The following CNPY3 variants were observed in gnomAD, a reference collection of about 807,000 sequenced individuals.
The protein encoded by CNPY3 is protein canopy homolog 3.
In CNPY3, 20 loss-of-function variants were observed where a neutral mutation model predicts 32.0. That is an observed-to-expected ratio of 0.63 (90% CI 0.44 to 0.91). The LOEUF (loss-of-function observed/expected upper bound fraction) is 0.91, where lower values mean the gene tolerates loss of function less well. Among genes scored for constraint, CNPY3 ranks in the 40% least tolerant of loss-of-function variants. CNPY3 has a pLI of 0.00. For missense variants in CNPY3, 299 were observed against 340.8 expected (o/e 0.88, Z 0.97); for synonymous variants, 138 against 142.9 (o/e 0.97, Z 0.24).
chr6:42,934,428 A>G (rs1768064471), intron 1 of CNPY3, 47 bp from the exon 2 acceptor site: 6 of 1,610,852 alleles, frequency 3.7e-6, no homozygotes, highest in South Asian at 3.3e-5. Flanking sequence ...CTGGCCTCCC[A>G]TTAGACTCAT....
upstream of CNPY3, among the ~76,000 whole-genome samples, chr6:42,928,788 A>G (rs1291772796): frequency 5.9e-5 from 9 of 152,232 alleles, no homozygotes. Context: ...AACTTTTTAC[A>G]ATCTGCTCGA....
At chr6:42,935,992 G>C (rs1768195958) in intron 3 of CNPY3, among the ~76,000 whole-genome samples, 1 of 148,570 alleles carries the variant, frequency 6.7e-6, no homozygotes, top group Non-Finnish European at 1.5e-5. Context: ...GTGCAGAAAG[G>C]TGGGGGTTTA....
In CNPY3 at chr6:42,929,708, C is replaced by T. The variant is rs537371204; in HGVS notation, c.138C>T (p.Pro46=). Residue 46 remains proline (P), a synonymous_variant, in exon 1 of 6, where the codon CCC becomes CCT. Transcript: ENST00000372836. ...AGGAGAACGACTGGGTTCGCCTGCC[C>T]AGCAAATGCGAAGGTGAGGAGGCGG... ...GAEENDWVRL[P]SKCEVCKYVA... 55 of 1,547,324 alleles carry T rather than the reference C, an allele frequency of 3.6e-5. No homozygotes were observed. The South Asian group carries it at 5.6e-4, about 16-fold the overall frequency.
chr6:42,929,469 G>C (rs1767587130), upstream of CNPY3: 1 of 1,255,226 alleles, frequency 8.0e-7, no homozygotes, highest in Non-Finnish European at 1.1e-6. Flanking sequence ...TGGTTGCTCG[G>C]AGGCACGTGT....
chr6:42,932,984 C>T (rs3805950), intron 1 of CNPY3, among the ~76,000 whole-genome samples: 9,993 of 152,224 alleles, frequency 0.066, 484 homozygotes, highest in African/African-American at 0.14. Context: ...CAGCATATAT[C>T]AAGTCCCAGG....
chr6:42,931,001 T>C (rs1393551901), intron 1 of CNPY3, among the ~76,000 whole-genome samples: 1 of 150,714 alleles, frequency 6.6e-6, no homozygotes, highest in Admixed American at 6.6e-5. Context: ...ACGATTTTCC[T>C]GTCTCAGCCT....
At chr6:42,931,892 T>A in intron 1 of CNPY3, among the ~76,000 whole-genome samples, 1 of 151,178 alleles carries the variant, frequency 6.6e-6, no homozygotes, top group Non-Finnish European at 1.5e-5. Context: ...CCCGGGTAAT[T>A]TTTGTATTTT....
chr6:42,931,732 A>ATT (rs1006891749), intron 1 of CNPY3, among the ~76,000 whole-genome samples: 1 of 146,128 alleles, frequency 6.8e-6, no homozygotes, highest in Non-Finnish European at 1.5e-5. Context: ...TATTATTATT[A>ATT]TTTTTTTTTG....
intron 1 of CNPY3, among the ~76,000 whole-genome samples, chr6:42,934,152 C>CAA (rs879925824): frequency 7.6e-6 from 1 of 131,016 alleles, no homozygotes; most frequent in Non-Finnish European, 1.7e-5. Flanking sequence ...AACTCCATCT[C>CAA]AAAAAAAAAA....
intron 3 of CNPY3, 36 bp from the exon 4 acceptor site, chr6:42,937,681 G>A (rs1400682251): frequency 6.2e-6 from 10 of 1,611,418 alleles, no homozygotes; most frequent in Non-Finnish European, 6.8e-6. Flanking sequence ...GGGAGAGAAG[G>A]GAGCTCCGCC....
At position 42,938,611 on chromosome 6, in the gene CNPY3, T is replaced by A. The variant is rs1310009738; in HGVS notation, c.657T>A (p.Ala219=). 1 of 1,606,594 alleles carries A rather than the reference T, an allele frequency of 6.2e-7. No individual in the cohort carries two copies. The highest frequency in any genetic ancestry group is 1.7e-5 in the Admixed American group (1 of 58,556). Residue 219 remains alanine (A), a synonymous_variant, in exon 6 of 6, where the codon GCT becomes GCA. Coordinates refer to ENST00000372836, the MANE Select transcript of CNPY3 (RefSeq NM_006586.5). ...EQWSGKKGDT[A]ALGGKKSKKK... ...GGTCCGGCAAGAAGGGAGACACAGC[T>A]GCCCTGGGAGGGAAGAAGTCCAAGA...
upstream of CNPY3, chr6:42,929,465 C>A (rs772299915): frequency 4.9e-6 from 6 of 1,233,944 alleles, no homozygotes; most frequent in Admixed American, 2.9e-5. Flanking sequence ...GTCGTGGTTG[C>A]TCGGAGGCAC....
At chr6:42,938,429 A>T in intron 5 of CNPY3, 139 bp from the exon 6 acceptor site, 1 of 889,252 alleles carries the variant, frequency 1.1e-6, no homozygotes, top group Non-Finnish European at 1.7e-6. Context: ...TGGTGGCCAC[A>T]GCGAGAGGCA....
chr6:42,937,707 C>T lies in CNPY3; in HGVS notation c.373-10C>T, dbSNP rs773681115. ...GAGCTCCGCCTGCCATATCTGGTCGCTTCTTCCAGGGCATGTCAGAGACCT... is the reference window on the plus strand; with the variant it reads ...GAGCTCCGCCTGCCATATCTGGTCGTTTCTTCCAGGGCATGTCAGAGACCT... On this transcript the variant is annotated splice_polypyrimidine_tract_variant and intron_variant, in intron 3 of 5. Coordinates refer to ENST00000372836, the MANE Select transcript of CNPY3 (RefSeq NM_006586.5). 1.2e-6 allele frequency: 2 copies of T among 1,613,920 alleles called. No individual in the cohort carries two copies. The highest frequency in any genetic ancestry group is 1.7e-6 in the Non-Finnish European group (2 of 1,179,930).
At chr6:42,933,149 G>A (rs1201280126) in intron 1 of CNPY3, among the ~76,000 whole-genome samples, 1 of 152,206 alleles carries the variant, frequency 6.6e-6, no homozygotes, top group Non-Finnish European at 1.5e-5. Context: ...CATTAGTGCA[G>A]AATGGCTTCC....
At position 42,937,784 on chromosome 6, in the gene CNPY3, TC is replaced by T; in HGVS notation, c.444del (p.Tyr149MetfsTer28). 6.2e-7 allele frequency: 1 copy of T among 1,613,898 alleles called. No homozygotes were observed. The highest frequency in any genetic ancestry group is 8.5e-7 in the Non-Finnish European group (1 of 1,179,908). ...AAAGGGGTCAAGGTGGTGATGGACA[TC>T]CCCTATGAGCTGTGGAACGAGACTT... ...VHKGVKVVMD[I>X]PYELWNETSA... On this transcript the variant is annotated frameshift_variant, in exon 4 of 6. Coordinates refer to ENST00000372836, the MANE Select transcript of CNPY3 (RefSeq NM_006586.5). LOFTEE classifies it high-confidence loss of function.
Position 42,929,528 on chromosome 6 carries a change from G to A in CNPY3, c.-43G>A. 2 of 1,515,606 alleles carry A rather than the reference G, an allele frequency of 1.3e-6. No homozygotes were observed. Among genetic ancestry groups the A allele is most frequent in the Admixed American group, 2.2e-5 (1 of 45,476 alleles). The allele number at this position is 1,515,606 out of a possible 1,614,324, so 93.9% of individuals were successfully genotyped here. On this transcript the variant is annotated 5_prime_UTR_variant, in exon 1 of 6. Coordinates refer to ENST00000372836, the MANE Select transcript of CNPY3 (RefSeq NM_006586.5). Reference sequence around the variant, plus strand: ...AAACTGCTCCGCGCGCGCCGCGGGAGGAGGAACCGCCCGGTCCTTTAGGGT... The same window carrying A: ...AAACTGCTCCGCGCGCGCCGCGGGAAGAGGAACCGCCCGGTCCTTTAGGGT...
intron 1 of CNPY3, 46 bp from the exon 2 acceptor site, chr6:42,934,429 T>G (rs1006143148): frequency 6.2e-6 from 10 of 1,610,380 alleles, no homozygotes; most frequent in African/African-American, 1.3e-5. Context: ...TGGCCTCCCA[T>G]TAGACTCATG....
At chr6:42,938,256 T>C in intron 5 of CNPY3, 49 bp downstream of exon 5, 2 of 1,430,622 alleles carry the variant, frequency 1.4e-6, no homozygotes, top group Non-Finnish European at 2.0e-6. Context: ...ATTTGTTTGC[T>C]CTCCCTTGGG....
Sources: allele counts gnomAD v4.1 joint callset (sites outside exome capture counted in the v4.1 genomes callset), GRCh38; gene constraint gnomAD v4.1.1; transcripts MANE v1.5; gene names NCBI Gene and HGNC (gene_info 2026-07-23, HGNC 2026-07-21).